The following HDAC9 variants were observed in gnomAD, a reference collection of about 807,000 sequenced individuals.
HDAC9 encodes MEF-2 interacting transcription repressor (MITR) protein.
Under a neutral mutation model 139.4 loss-of-function variants are expected in HDAC9, and 41 were observed. The ratio of observed to expected loss-of-function variants is 0.29; its 90% CI spans 0.23 to 0.38. HDAC9 has a LOEUF of 0.38. Ranked by LOEUF, HDAC9 falls within the 10% of genes least tolerant of loss-of-function variation. The pLI, the probability that HDAC9 is intolerant of heterozygous loss-of-function variation, is 1.00. For synonymous variants in HDAC9, 517 were observed against 476.2 expected (o/e 1.09, Z -1.12); for missense variants, 1,147 against 1,297.0 (o/e 0.88, Z 1.78).
At chr7:18,372,721 G>GA (rs1374505284) in intron 1 of HDAC9, among the ~76,000 whole-genome samples, 2 of 152,124 alleles carry the variant, frequency 1.3e-5, no homozygotes, top group Non-Finnish European at 2.9e-5. Flanking sequence ...AGGGTTGACA[G>GA]AAAAAAGCTT....
At chr7:18,319,007 C>CGGG (rs1177723341) in intron 1 of HDAC9, among the ~76,000 whole-genome samples, 1 of 152,096 alleles carries the variant, frequency 6.6e-6, no homozygotes, top group African/African-American at 2.4e-5. Context: ...TCTGCATTTC[C>CGGG]GGGGGATTCC....
At chr7:18,766,365 A>C (rs1789832734) in intron 15 of HDAC9, among the ~76,000 whole-genome samples, 1 of 152,336 alleles carries the variant, frequency 6.6e-6, no homozygotes, top group Non-Finnish European at 1.5e-5. Flanking sequence ...CAGGTAAACA[A>C]AATAATTACT....
At chr7:18,565,442 A>G (rs1310909527) in intron 2 of HDAC9, among the ~76,000 whole-genome samples, 1 of 152,226 alleles carries the variant, frequency 6.6e-6, no homozygotes, top group Non-Finnish European at 1.5e-5. Context: ...CTTGCTCACA[A>G]GATTACTTAA....
intron 2 of HDAC9, among the ~76,000 whole-genome samples, chr7:18,567,712 AC>A (rs1277964532): frequency 3.9e-5 from 6 of 152,114 alleles, no homozygotes; most frequent in Admixed American, 2.6e-4. Flanking sequence ...ACAATACCTA[AC>A]TACCAGAACT....
At chr7:18,627,046 T>G (rs116119097) in intron 6 of HDAC9, among the ~76,000 whole-genome samples, 47 of 151,506 alleles carry the variant, frequency 3.1e-4, no homozygotes, top group African/African-American at 1.1e-3. Flanking sequence ...CCCTTCTACA[T>G]TCACCCAGAT....
At position 18,128,187 on chromosome 7, in the gene HDAC9, A is replaced by G. The variant is rs186256986; in HGVS notation, c.-96-34042A>G. On this transcript the variant is annotated intron_variant, in intron 1 of 12. Transcript: ENST00000417496. ...CTCTAGGAAACTTGTACCTTTACCA[A>G]AAAATCTCAGAGACTGGCTTGGAAA... is the stretch of plus-strand genomic sequence containing the variant. Among the ~76,000 whole-genome samples the G allele has an allele frequency of 1.1e-3, 168 of 152,212 alleles. 3 individuals are homozygous for G. Among genetic ancestry groups the G allele is most frequent in the Middle Eastern group, 6.8e-3 (2 of 294 alleles).
intron 13 of HDAC9, among the ~76,000 whole-genome samples, chr7:18,738,891 G>T (rs1458882599): frequency 6.6e-6 from 1 of 152,112 alleles, no homozygotes; most frequent in Non-Finnish European, 1.5e-5. Context: ...TCACTTTCAG[G>T]TACACCAATC....
chr7:18,130,591 G>A (rs935463694), intron 1 of HDAC9, among the ~76,000 whole-genome samples: 11 of 152,040 alleles, frequency 7.2e-5, no homozygotes, highest in African/African-American at 2.7e-4. Context: ...ACAGAGTTGT[G>A]CACCCATCAC....
At chr7:18,201,641 A>G (rs1239299900) in intron 2 of HDAC9, among the ~76,000 whole-genome samples, 4 of 152,338 alleles carry the variant, frequency 2.6e-5, no homozygotes, top group African/African-American at 9.6e-5. Context: ...AGTCTGGCCA[A>G]GTAGAGCAGT....
At chr7:18,148,321 CT>C (rs1376450965) in intron 1 of HDAC9, among the ~76,000 whole-genome samples, 3 of 152,184 alleles carry the variant, frequency 2.0e-5, no homozygotes, top group Non-Finnish European at 2.9e-5. Flanking sequence ...CTAGAGAGTG[CT>C]CACATTCCTT....
At chr7:18,188,475 C>G (rs1408448710) in intron 2 of HDAC9, among the ~76,000 whole-genome samples, 1 of 152,138 alleles carries the variant, frequency 6.6e-6, no homozygotes, top group East Asian at 1.9e-4. Context: ...AAAGCAATTG[C>G]AACAAAAGCC....
At chr7:18,584,603 A>T (rs932240274) in intron 2 of HDAC9, among the ~76,000 whole-genome samples, 3 of 151,910 alleles carry the variant, frequency 2.0e-5, no homozygotes, top group African/African-American at 7.3e-5. Context: ...TACTTTTTCC[A>T]CCTTGTTTAT....
chr7:18,704,260 T>G (rs1404258514), intron 12 of HDAC9, among the ~76,000 whole-genome samples: 1 of 152,244 alleles, frequency 6.6e-6, no homozygotes, highest in African/African-American at 2.4e-5. Flanking sequence ...GTATACTGTC[T>G]CTACTTTTGC....
At chr7:18,514,952 T>C (rs1186217274) in intron 2 of HDAC9, among the ~76,000 whole-genome samples, 2 of 152,144 alleles carry the variant, frequency 1.3e-5, no homozygotes, top group Non-Finnish European at 2.9e-5. Context: ...TCTCTAAAGA[T>C]AATAAGAAAA....
chr7:18,941,428 T>A (rs998804298), intron 23 of HDAC9, among the ~76,000 whole-genome samples: 1 of 152,152 alleles, frequency 6.6e-6, no homozygotes, highest in African/African-American at 2.4e-5. Flanking sequence ...CTCTAGTAAG[T>A]GTTGACAACC....
chr7:18,304,776 C>T (rs1798801874), intron 1 of HDAC9, among the ~76,000 whole-genome samples: 1 of 152,106 alleles, frequency 6.6e-6, no homozygotes, highest in African/African-American at 2.4e-5. Context: ...TTTACGTATT[C>T]CAAGACTTAA....
At position 18,905,304 on chromosome 7, in the gene HDAC9, G is replaced by A. The variant is rs567596551; in HGVS notation, c.2804-30505G>A. On this transcript the variant is annotated intron_variant, in intron 22 of 25. Coordinates refer to ENST00000686413, the MANE Select transcript of HDAC9 (RefSeq NM_178425.4). ...CTTGCCATATATCTCTTACCAGCCT[G>A]CAGGCACTTGAAGGTTTAATAAGGC... Among the ~76,000 whole-genome samples, 4 of 152,320 alleles carry A rather than the reference G, an allele frequency of 2.6e-5. No homozygotes were observed. In the South Asian group the frequency reaches 8.3e-4, roughly 32 times the overall value.
At chr7:18,781,738 G>A (rs1266691663) in intron 16 of HDAC9, among the ~76,000 whole-genome samples, 1 of 152,020 alleles carries the variant, frequency 6.6e-6, no homozygotes, top group Non-Finnish European at 1.5e-5. Context: ...ATAGGAAAAT[G>A]TTGAGCTTAT....
intron 1 of HDAC9, among the ~76,000 whole-genome samples, chr7:18,097,061 C>T (rs1208953581): frequency 6.6e-6 from 1 of 152,114 alleles, no homozygotes; most frequent in African/African-American, 2.4e-5. Context: ...CCACTAGGCA[C>T]ATGTGGTCTT....
Sources: gnomAD v4.1 joint callset for allele counts (sites outside exome capture counted in the v4.1 genomes callset) on GRCh38, gnomAD v4.1.1 for gene constraint, MANE v1.5 for transcripts, NCBI Gene and HGNC (gene_info 2026-07-23, HGNC 2026-07-21) for gene names.